The following DNAJB13 variants were observed in gnomAD, a reference collection of about 807,000 sequenced individuals.
DNAJB13 encodes dnaJ homolog subfamily B member 13.
A neutral mutation model predicts 35.6 loss-of-function variants in DNAJB13; 22 were observed. The ratio of observed to expected loss-of-function variants is 0.62; its 90% CI spans 0.44 to 0.88. The LOEUF (loss-of-function observed/expected upper bound fraction) is 0.88. DNAJB13 is among the 40% of genes least tolerant of loss of function. The pLI is 0.00. For missense variants in DNAJB13, 370 were observed against 384.3 expected (o/e 0.96, Z 0.31); for synonymous variants, 136 against 144.2 (o/e 0.94, Z 0.41).
At chr11:73,954,680 G>T (rs1591172276) in intron 1 of DNAJB13, among the ~76,000 whole-genome samples, 1 of 150,914 alleles carries the variant, frequency 6.6e-6, no homozygotes, top group South Asian at 2.1e-4. Context: ...ATAAGGCTGG[G>T]CACGGTGGCT....
intron 7 of DNAJB13, 25 bp downstream of exon 7, chr11:73,969,347 A>G: frequency 1.1e-6 from 1 of 869,968 alleles, no homozygotes; most frequent in South Asian, 1.3e-5. Context: ...CTTGGGCCCC[A>G]GTAGCCAAGA....
chr11:73,951,186 T>C (rs753545349), intron 1 of DNAJB13, 49 bp downstream of exon 1: 3 of 1,603,836 alleles, frequency 1.9e-6, no homozygotes, highest in Non-Finnish European at 1.7e-6. Context: ...GGGCAGGCCC[T>C]GCCCTCTTCT....
chr11:73,967,994 G>T (rs1306422727), intron 5 of DNAJB13: 1 of 423,562 alleles, frequency 2.4e-6, no homozygotes, highest in Non-Finnish European at 4.2e-6. Flanking sequence ...TGGGACAGGG[G>T]TGTCATGCCT....
In DNAJB13 at chr11:73,965,160, A is replaced by G. The variant is rs1254893383; in HGVS notation, c.492+125A>G. On this transcript the variant is annotated intron_variant, in intron 4 of 7. Transcript: ENST00000339764. The stretch of plus-strand genomic sequence containing the variant: ...GATGGAATTATGGAACCTTAGATTC[A>G]GAGACCTAGGATGTTAGAATTCCGG... The G allele has an allele frequency of 2.7e-6, 3 of 1,091,150 alleles. 1 individual carries two copies. The highest frequency in any genetic ancestry group is 2.6e-6 in the Non-Finnish European group (2 of 777,032). 67.6% of individuals were successfully genotyped at this position (1,091,150 alleles called of 1,614,324 possible).
chr11:73,960,227 G>C (rs769862817), intron 3 of DNAJB13, among the ~76,000 whole-genome samples: 3 of 151,814 alleles, frequency 2.0e-5, no homozygotes, highest in Non-Finnish European at 4.4e-5. Context: ...ACCCAGGCTG[G>C]AGTGCAGTGG....
At chr11:73,969,344 C>T (rs755876130) in intron 7 of DNAJB13, 22 bp downstream of exon 7, 1 of 870,606 alleles carries the variant, frequency 1.1e-6, no homozygotes, top group Non-Finnish European at 2.0e-6. Context: ...TGCCTTGGGC[C>T]CCAGTAGCCA....
chr11:73,968,152 G>T (rs1233230175), intron 5 of DNAJB13, 193 bp from the exon 6 acceptor site: 5 of 605,956 alleles, frequency 8.3e-6, no homozygotes, highest in South Asian at 2.0e-5. Context: ...ATTCTGGGGG[G>T]ATTCATTTGG....
chr11:73,969,441 C>G (rs1398278482), intron 7 of DNAJB13, 119 bp downstream of exon 7: 1 of 684,640 alleles, frequency 1.5e-6, no homozygotes, highest in East Asian at 2.7e-5. Context: ...GAAGGGTTCC[C>G]TGCTGAGGGG....
In DNAJB13 at chr11:73,966,211, G is replaced by A; in HGVS notation, c.566G>A (p.Arg189Lys). ...ILTIDVKPGW[R>K]QGTRITFEKE... ...ACCATTGATGTGAAGCCCGGTTGGA[G>A]GCAGGGCACACGCATCACCTTTGAG... The change falls in exon 5 of 8, where the codon AGG (arginine) becomes AAG (lysine). Residue 189 changes from arginine to lysine, a missense_variant. Transcript: ENST00000339764. 1 of 1,613,846 alleles carries A rather than the reference G, an allele frequency of 6.2e-7. No individual in the cohort carries two copies. The highest frequency in any genetic ancestry group is 8.5e-7 in the Non-Finnish European group (1 of 1,179,968).
intron 1 of DNAJB13, among the ~76,000 whole-genome samples, chr11:73,954,643 A>AAAT (rs1554989417): frequency 0.031 from 4,158 of 132,204 alleles, 133 homozygotes; most frequent in East Asian, 0.13. Flanking sequence ...AAAAAAAAAT[A>AAAT]AAATAAATAA....
intron 4 of DNAJB13, 182 bp from the exon 5 acceptor site, chr11:73,965,956 C>CAGGCTCTCCCCATTGCTGG (rs1951102787): frequency 1.6e-6 from 1 of 606,380 alleles, no homozygotes; most frequent in South Asian, 1.9e-5. Flanking sequence ...TGGCTCAGGG[C>CAGGCTCTCCCCATTGCTGG]AGGCTCTCCC....
intron 1 of DNAJB13, among the ~76,000 whole-genome samples, chr11:73,956,888 G>T (rs1297962774): frequency 6.6e-6 from 1 of 152,064 alleles, no homozygotes; most frequent in Non-Finnish European, 1.5e-5. Flanking sequence ...GGCACTTGGA[G>T]GTAGTCTTTG....
At chr11:73,956,881 A>G (rs945734848) in intron 1 of DNAJB13, among the ~76,000 whole-genome samples, 2 of 151,486 alleles carry the variant, frequency 1.3e-5, no homozygotes, top group Non-Finnish European at 2.9e-5. Context: ...GCAAGTAGGC[A>G]CTTGGAGGTA....
chr11:73,964,621 C>A, intron 3 of DNAJB13: 1 of 452,682 alleles, frequency 2.2e-6, no homozygotes, highest in Non-Finnish European at 4.0e-6. Flanking sequence ...GGAGGTGAAG[C>A]AGTGGGAAAT....
At chr11:73,967,614 G>A (rs1245335430) in intron 5 of DNAJB13, among the ~76,000 whole-genome samples, 1 of 152,108 alleles carries the variant, frequency 6.6e-6, no homozygotes, top group African/African-American at 2.4e-5. Context: ...GCATGGTAGT[G>A]TGTGCCTGTG....
chr11:73,970,091 C>T lies in DNAJB13; in HGVS notation c.928C>T (p.Leu310=). Residue 310 remains leucine (L), a synonymous_variant, in exon 8 of 8, where the codon CTG becomes TTG. Transcript: ENST00000339764. The part of the protein sequence containing the change: ...TRLTPQKKQM[L]RQALLT Reference sequence around the variant, plus strand: ...CCTCACACCCCAGAAGAAGCAGATGCTGCGCCAGGCATTGCTGACATGACT... The same window carrying T: ...CCTCACACCCCAGAAGAAGCAGATGTTGCGCCAGGCATTGCTGACATGACT... 1 of 1,607,262 alleles carries T rather than the reference C, an allele frequency of 6.2e-7. No individual in the cohort carries two copies. The highest frequency in any genetic ancestry group is 1.1e-5 in the South Asian group (1 of 89,386).
At chr11:73,952,931 A>G (rs1157439870) in intron 1 of DNAJB13, among the ~76,000 whole-genome samples, 2 of 152,228 alleles carry the variant, frequency 1.3e-5, no homozygotes, top group East Asian at 1.9e-4. Flanking sequence ...TGTCATATAA[A>G]GAGTGATTAA....
rs566855262 is a variant in DNAJB13 at position 73,951,355 on chromosome 11, C to T, written c.68+218C>T. Among the ~76,000 whole-genome samples, 3 of 152,306 alleles carry T rather than the reference C, an allele frequency of 2.0e-5. No homozygotes were observed. In the East Asian group the frequency reaches 5.8e-4, roughly 29 times the overall value. Reference sequence around the variant, plus strand: ...CCTCAATCTGCTCCCAACCCATCTCCCTTTATGCTCCATGCCCTATATCCT... The same window carrying T: ...CCTCAATCTGCTCCCAACCCATCTCTCTTTATGCTCCATGCCCTATATCCT... On this transcript the variant is annotated intron_variant, in intron 1 of 7. Coordinates refer to ENST00000339764, the MANE Select transcript of DNAJB13 (RefSeq NM_153614.4).
At chr11:73,955,561 G>A (rs1379803403) in intron 1 of DNAJB13, among the ~76,000 whole-genome samples, 1 of 151,730 alleles carries the variant, frequency 6.6e-6, no homozygotes, top group Non-Finnish European at 1.5e-5. Flanking sequence ...TGCCTGCCTC[G>A]GCCTCCCAAA....
Sources: gnomAD v4.1 joint callset for allele counts (sites outside exome capture counted in the v4.1 genomes callset) on GRCh38, gnomAD v4.1.1 for gene constraint, MANE v1.5 for transcripts, NCBI Gene and HGNC (gene_info 2026-07-23, HGNC 2026-07-21) for gene names.